The following DAP3 variants were observed in gnomAD, a reference collection of about 807,000 sequenced individuals.
The protein encoded by DAP3 is death associated protein 3.
Under a neutral mutation model 51.9 loss-of-function variants are expected in DAP3, and 28 were observed. The observed-to-expected ratio is 0.54, with a 90% confidence interval of 0.40 to 0.74. The LOEUF is 0.74. DAP3 is among the 30% of genes least tolerant of loss of function. DAP3 has a pLI of 0.00. For synonymous variants in DAP3, 170 were observed against 170.3 expected (o/e 1.00, Z 0.01); for missense variants, 458 against 483.5 (o/e 0.95, Z 0.49).
intron 1 of DAP3, among the ~76,000 whole-genome samples, chr1:155,700,736 A>G (rs1379029106): frequency 1.8e-5 from 2 of 114,228 alleles, no homozygotes; most frequent in Non-Finnish European, 3.7e-5. Flanking sequence ...CCCGTCCGGG[A>G]GGGAGGTGGG....
chr1:155,729,288 G>A lies in DAP3; in HGVS notation c.765G>A (p.Met255Ile). The change falls in exon 9 of 13, where the codon ATG (methionine) becomes ATA (isoleucine). Residue 255 changes from methionine to isoleucine, a missense_variant. Met to Ile is a conservative substitution (Grantham distance 10). Coordinates refer to ENST00000368336, the MANE Select transcript of DAP3 (RefSeq NM_004632.4). ...TAAAGAGGCAAAGTTCTTTGGGTAT[G>A]TTTCACCTCCTAGTGGCCGTGGATG... is the stretch of plus-strand genomic sequence containing the variant. ...KELKRQSSLG[M>I]FHLLVAVDGI... 1.2e-6 allele frequency: 2 copies of A among 1,614,190 alleles called. No homozygotes were observed. Among genetic ancestry groups the A allele is most frequent in the South Asian group, 2.2e-5 (2 of 91,086 alleles).
chr1:155,692,083 C>T lies in DAP3; in HGVS notation c.-8+2909C>T, dbSNP rs981933445. ...TCATACACATAATCTGTAGCAGTGGCGGTTTAAGTGAATCTCCTTTGTGCT... is the reference window on the plus strand; with the variant it reads ...TCATACACATAATCTGTAGCAGTGGTGGTTTAAGTGAATCTCCTTTGTGCT... On this transcript the variant is annotated intron_variant, in intron 1 of 12. Coordinates refer to ENST00000368336, the MANE Select transcript of DAP3 (RefSeq NM_004632.4). Among the ~76,000 whole-genome samples, 6 of 141,780 alleles carry T rather than the reference C, an allele frequency of 4.2e-5. 1 individual carries two copies. The highest frequency in any genetic ancestry group is 1.3e-4 in the Admixed American group (2 of 15,102). The allele number at this position is 141,780 out of a possible 152,430, so 93.0% of individuals were successfully genotyped here. A position where few individuals can be genotyped will look rare whatever the true frequency, so the allele number is the denominator to read the frequency against.
intron 1 of DAP3, among the ~76,000 whole-genome samples, chr1:155,693,545 C>T (rs1654137509): frequency 7.1e-6 from 1 of 141,778 alleles, no homozygotes; most frequent in Admixed American, 6.6e-5. Flanking sequence ...CAGTATAGTT[C>T]CTGTTTTAGT....
chr1:155,694,218 A>AGGAG (rs1178045698), intron 1 of DAP3, among the ~76,000 whole-genome samples: 1 of 141,268 alleles, frequency 7.1e-6, no homozygotes, highest in East Asian at 1.9e-4. Flanking sequence ...CTATGCAAAG[A>AGGAG]GGAGGGGAAC....
chr1:155,700,750 G>A (rs1359618173), intron 1 of DAP3, among the ~76,000 whole-genome samples: 1 of 145,028 alleles, frequency 6.9e-6, no homozygotes, highest in Non-Finnish European at 1.5e-5. Context: ...AGGTGGGGGG[G>A]TCAGCCCTCC....
intron 5 of DAP3, 92 bp downstream of exon 5, chr1:155,725,582 G>T (rs1239818063): frequency 1.4e-5 from 17 of 1,223,694 alleles, no homozygotes; most frequent in Non-Finnish European, 1.9e-5. Flanking sequence ...TACTGTTGAG[G>T]CCGGGCATGG....
At chr1:155,716,882 G>C in intron 2 of DAP3, 124 bp from the exon 3 acceptor site, 1 of 1,344,390 alleles carries the variant, frequency 7.4e-7, no homozygotes, top group Non-Finnish European at 1.0e-6. Flanking sequence ...GGAAGGCGGA[G>C]GTTGTAGTGA....
At chr1:155,696,340 T>C (rs1342617819) in intron 1 of DAP3, among the ~76,000 whole-genome samples, 1 of 152,142 alleles carries the variant, frequency 6.6e-6, no homozygotes, top group South Asian at 2.1e-4. Context: ...TAATTCTCTT[T>C]TATGGTGTAA....
chr1:155,715,613 T>G (rs530582559), intron 2 of DAP3, among the ~76,000 whole-genome samples: 1 of 152,284 alleles, frequency 6.6e-6, no homozygotes, highest in South Asian at 2.1e-4. Context: ...ATTAAGCAAC[T>G]CCCTTATTAC....
At chr1:155,718,391 G>GTA (rs1430188268) in intron 3 of DAP3, among the ~76,000 whole-genome samples, 2 of 150,514 alleles carry the variant, frequency 1.3e-5, no homozygotes, top group South Asian at 2.1e-4. Context: ...GTCTTAAAAA[G>GTA]TATATATATA....
intron 1 of DAP3, among the ~76,000 whole-genome samples, chr1:155,694,122 A>G (rs889157789): frequency 7.1e-6 from 1 of 141,672 alleles, no homozygotes; most frequent in South Asian, 2.1e-4. Context: ...CAGAAAATAA[A>G]TGATAGGATA....
At chr1:155,735,108 GAAA>G (rs1344051039) in intron 11 of DAP3, among the ~76,000 whole-genome samples, 1 of 67,564 alleles carries the variant, frequency 1.5e-5, no homozygotes, top group Admixed American at 1.5e-4. Flanking sequence ...ACCAAAAAAT[GAAA>G]AAAAAAAAAA....
At chr1:155,728,955 C>A in intron 7 of DAP3, 87 bp from the exon 8 acceptor site, 1 of 1,326,052 alleles carries the variant, frequency 7.5e-7, no homozygotes, top group Non-Finnish European at 1.1e-6. Flanking sequence ...TCCTGTTAAC[C>A]TTAGCCTCCA....
At chr1:155,722,505 C>T (rs1248330764) in intron 4 of DAP3, among the ~76,000 whole-genome samples, 1 of 152,072 alleles carries the variant, frequency 6.6e-6, no homozygotes. Context: ...TGTTTGAGCG[C>T]AGGAGTTCAA....
chr1:155,724,373 C>T (rs1023565775), intron 4 of DAP3, among the ~76,000 whole-genome samples: 3 of 152,070 alleles, frequency 2.0e-5, no homozygotes, highest in East Asian at 3.9e-4. Context: ...CGGTGGCTCA[C>T]GCCTATAATC....
At chr1:155,711,954 C>T (rs539419750) in intron 2 of DAP3, among the ~76,000 whole-genome samples, 26 of 151,320 alleles carry the variant, frequency 1.7e-4, no homozygotes, top group South Asian at 4.2e-4. Context: ...CCCAGCAAGT[C>T]GGCTCATCCT....
chr1:155,689,699 G>A (rs569154113), intron 1 of DAP3: 1 of 319,708 alleles, frequency 3.1e-6, no homozygotes, highest in Non-Finnish European at 6.1e-6. Context: ...GGATGACAAG[G>A]TGAAGAGATC....
At position 155,721,198 on chromosome 1, in the gene DAP3, C is replaced by A. The variant is rs367729872; in HGVS notation, c.169-319C>A. ...TAGAAATACAAAAATTAGCCGGGTG[C>A]GGTGGCAGATTGTAATGCCAGCTAC... On this transcript the variant is annotated intron_variant, in intron 3 of 12. Transcript: ENST00000368336. 3.3e-5 allele frequency among the ~76,000 whole-genome samples: 5 copies of A among 150,922 alleles called. No individual in the cohort carries two copies. In the South Asian group the frequency reaches 6.3e-4, roughly 19 times the overall value.
chr1:155,714,922 G>A (rs1657149400), intron 2 of DAP3, among the ~76,000 whole-genome samples: 1 of 152,166 alleles, frequency 6.6e-6, no homozygotes, highest in Non-Finnish European at 1.5e-5. Flanking sequence ...TGCTTGGTAG[G>A]CTGGGCACGG....
Sources: gnomAD v4.1 joint callset for allele counts (sites outside exome capture counted in the v4.1 genomes callset) on GRCh38, gnomAD v4.1.1 for gene constraint, MANE v1.5 for transcripts, NCBI Gene and HGNC (gene_info 2026-07-23, HGNC 2026-07-21) for gene names.